The following CYP7B1 variants were observed in gnomAD, a reference collection of about 807,000 sequenced individuals.
CYP7B1 encodes the protein cytochrome P450 7B1.
In CYP7B1, 29 loss-of-function variants were observed where a neutral mutation model predicts 42.7. That is an observed-to-expected ratio of 0.68 (90% CI 0.51 to 0.93). The LOEUF is 0.93. Among genes scored for constraint, CYP7B1 ranks in the 40% least tolerant of loss-of-function variants. The pLI, the probability that CYP7B1 is intolerant of heterozygous loss-of-function variation, is 0.00. For synonymous variants in CYP7B1, 235 were observed against 218.2 expected (o/e 1.08, Z -0.68); for missense variants, 655 against 600.5 (o/e 1.09, Z -0.95).
downstream of CYP7B1, among the ~76,000 whole-genome samples, chr8:64,590,594 A>T (rs1332382894): frequency 6.6e-6 from 1 of 152,198 alleles, no homozygotes; most frequent in African/African-American, 2.4e-5. Context: ...AACATTTTAA[A>T]ACTTAGTGAT....
intron 1 of CYP7B1, among the ~76,000 whole-genome samples, chr8:64,650,062 T>C (rs1806014911): frequency 6.6e-6 from 1 of 152,220 alleles, no homozygotes; most frequent in Non-Finnish European, 1.5e-5. Context: ...TTAAGTTTGA[T>C]ATAGTTGTCT....
chr8:64,715,819 G>C (rs1431567850), intron 1 of CYP7B1, among the ~76,000 whole-genome samples: 1 of 152,198 alleles, frequency 6.6e-6, no homozygotes, highest in African/African-American at 2.4e-5. Flanking sequence ...CACGGACACA[G>C]CCTGTAATTA....
chr8:64,624,632 G>A (rs1805581354), intron 1 of CYP7B1, 93 bp from the exon 2 acceptor site: 7 of 1,414,702 alleles, frequency 4.9e-6, no homozygotes, highest in Non-Finnish European at 5.9e-6. Context: ...TCTAGAAGGT[G>A]ACTGCATGGA....
At chr8:64,605,103 C>A (rs1031209317) in intron 4 of CYP7B1, among the ~76,000 whole-genome samples, 4 of 152,092 alleles carry the variant, frequency 2.6e-5, no homozygotes, top group African/African-American at 9.7e-5. Context: ...TGTACCTGGG[C>A]AGAAAGTCAT....
At chr8:64,786,803 C>A (rs1228192787) in intron 1 of CYP7B1, among the ~76,000 whole-genome samples, 1 of 152,250 alleles carries the variant, frequency 6.6e-6, no homozygotes, top group South Asian at 2.1e-4. Context: ...GAGGGCTCCA[C>A]CCCTGTAACA....
intron 1 of CYP7B1, among the ~76,000 whole-genome samples, chr8:64,798,199 TGCATACCGCCAACC>T (rs1804735929): frequency 6.6e-6 from 1 of 152,250 alleles, no homozygotes; most frequent in Middle Eastern, 3.2e-3. Context: ...TGATGCATAA[TGCATACCGCCAACC>T]TAGGGCTTAT....
intron 1 of CYP7B1, among the ~76,000 whole-genome samples, chr8:64,748,638 T>A (rs777768771): frequency 1.3e-5 from 2 of 152,186 alleles, no homozygotes; most frequent in African/African-American, 2.4e-5. Context: ...TACCATCCAG[T>A]GAAATGTTAG....
intron 1 of CYP7B1, among the ~76,000 whole-genome samples, chr8:64,669,279 A>G (rs1806329198): frequency 6.6e-6 from 1 of 152,102 alleles, no homozygotes; most frequent in Non-Finnish European, 1.5e-5. Context: ...TATCGTACTG[A>G]TACAAAATGA....
At chr8:64,692,578 A>G (rs538280296) in intron 1 of CYP7B1, among the ~76,000 whole-genome samples, 5 of 152,320 alleles carry the variant, frequency 3.3e-5, no homozygotes, top group African/African-American at 1.2e-4. Flanking sequence ...ATAATTACGT[A>G]AAGGTCAGAA....
chr8:64,629,054 C>T (rs1009916412), intron 1 of CYP7B1, among the ~76,000 whole-genome samples: 2 of 151,986 alleles, frequency 1.3e-5, no homozygotes, highest in Non-Finnish European at 2.9e-5. Flanking sequence ...AGTGAAACCC[C>T]GTCTCAACTA....
chr8:64,721,092 GT>G (rs1004354782), intron 1 of CYP7B1, among the ~76,000 whole-genome samples: 64 of 144,742 alleles, frequency 4.4e-4, no homozygotes, highest in African/African-American at 7.3e-4. Context: ...TTCTTACCTG[GT>G]TTTTTTTTTT....
chr8:64,623,650 G>T (rs1805563854), intron 2 of CYP7B1, among the ~76,000 whole-genome samples: 1 of 152,080 alleles, frequency 6.6e-6, no homozygotes, highest in Admixed American at 6.5e-5. Flanking sequence ...CAATTCTGCT[G>T]TTTTTTTCTT....
intron 1 of CYP7B1, among the ~76,000 whole-genome samples, chr8:64,709,333 C>T (rs531347895): frequency 2.6e-5 from 4 of 152,218 alleles, no homozygotes; most frequent in African/African-American, 7.2e-5. Context: ...TATTTATGAG[C>T]TATTTCTGAA....
chr8:64,615,912 C>CA lies in CYP7B1; in HGVS notation c.628_629insT (p.Ser210MetfsTer2), dbSNP rs1484094674. The stretch of plus-strand genomic sequence containing the variant: ...TTTTAAAAAATCATCTCTTAGCTCA[C>CA]TAATAAATTTGTTGTTGTCACAAAC... On this transcript the variant is annotated frameshift_variant, in exon 3 of 6. Coordinates refer to ENST00000310193, the MANE Select transcript of CYP7B1 (RefSeq NM_004820.5). LOFTEE classifies it high-confidence loss of function. 12 of 1,613,442 alleles carry CA rather than the reference C, an allele frequency of 7.4e-6. No individual in the cohort carries two copies.
chr8:64,599,349 C>A (rs933463719), intron 5 of CYP7B1, among the ~76,000 whole-genome samples: 2 of 152,002 alleles, frequency 1.3e-5, no homozygotes, highest in African/African-American at 4.8e-5. Flanking sequence ...CCACCACGCC[C>A]GGCTAATTTT....
chr8:64,650,630 A>G (rs1251179401), intron 1 of CYP7B1, among the ~76,000 whole-genome samples: 1 of 152,228 alleles, frequency 6.6e-6, no homozygotes, highest in Non-Finnish European at 1.5e-5. Flanking sequence ...CCTGGGTGAT[A>G]GAGCAAGACT....
At chr8:64,663,423 CAT>C (rs1175678805) in intron 1 of CYP7B1, among the ~76,000 whole-genome samples, 3 of 152,210 alleles carry the variant, frequency 2.0e-5, no homozygotes, top group Non-Finnish European at 4.4e-5. Flanking sequence ...CACTCCGTAA[CAT>C]GAGGGGGCTG....
chr8:64,716,234 T>G (rs1011777677), intron 1 of CYP7B1, among the ~76,000 whole-genome samples: 9 of 152,226 alleles, frequency 5.9e-5, no homozygotes, highest in Admixed American at 3.9e-4. Context: ...TGTGATATAT[T>G]TTTCATTTAC....
At chr8:64,798,268 T>C (rs938530849) in intron 1 of CYP7B1, among the ~76,000 whole-genome samples, 198 bp downstream of exon 1, 1 of 152,140 alleles carries the variant, frequency 6.6e-6, no homozygotes, top group Non-Finnish European at 1.5e-5. Flanking sequence ...TCCCAAAGCT[T>C]TAATATGTAC....
Sources: allele counts gnomAD v4.1 joint callset (sites outside exome capture counted in the v4.1 genomes callset), GRCh38; gene constraint gnomAD v4.1.1; transcripts MANE v1.5; gene names NCBI Gene and HGNC (gene_info 2026-07-23, HGNC 2026-07-21).